Variants in TRPM2 observed in about 807,000 individuals in gnomAD.
TRPM2 encodes estrogen-responsive element-associated gene 1 protein.
A neutral mutation model predicts 174.0 loss-of-function variants in TRPM2; 161 were observed. The observed-to-expected ratio is 0.93, with a 90% CI of 0.81 to 1.05. The LOEUF (loss-of-function observed/expected upper bound fraction) is 1.05, where lower values mean the gene tolerates loss of function less well. Among genes scored for constraint, TRPM2 ranks in the 50% least tolerant of loss-of-function variants. TRPM2 has a pLI of 0.00. For synonymous variants in TRPM2, 954 were observed against 861.3 expected, an observed-to-expected ratio of 1.11 and a Z score of -1.88; for missense variants, 2,057 against 2,038.0, an observed-to-expected ratio of 1.01 and a Z score of -0.18.
At chr21:44,413,049 A>G (rs1601193267) in intron 19 of TRPM2, among the ~76,000 whole-genome samples, 1 of 152,176 alleles carries the variant, frequency 6.6e-6, no homozygotes, top group South Asian at 2.1e-4. Context: ...AGATTTGTTT[A>G]AGGTAGAAGC....
Position 44,413,920 on chromosome 21 carries a change from C to T in TRPM2, c.2992C>T (p.Pro998Ser), listed in dbSNP as rs745481593. 2 of 1,613,850 alleles carry T rather than the reference C, an allele frequency of 1.2e-6. No individual in the cohort carries two copies. The highest frequency in any genetic ancestry group is 8.5e-7 in the Non-Finnish European group (1 of 1,179,890). The change falls in exon 20 of 32, where the codon CCC becomes TCC. Residue 998 changes from proline to serine, a missense_variant. By Grantham distance (74) the Pro-to-Ser change is moderately conservative. Coordinates refer to ENST00000397928, the MANE Select transcript of TRPM2 (RefSeq NM_003307.4). ...GAACTTCAACCCGGAGCACTGCAGC[C>T]CCAATGGCACCGACCCCTACAAGCC... ...GVNFNPEHCS[P>S]NGTDPYKPKC...
chr21:44,375,716 C>T lies in TRPM2; in HGVS notation c.772-117C>T, dbSNP rs9984953. The T allele has an allele frequency of 8.5e-3, 10,291 of 1,213,928 alleles. 449 individuals carry two copies. The African/African-American group carries it at 0.11, about 12-fold the overall frequency. 75.2% of individuals were successfully genotyped at this position (1,213,928 alleles called of 1,614,324 possible). A position where few individuals can be genotyped will look rare whatever the true frequency, so the allele number is the denominator to read the frequency against. The stretch of plus-strand genomic sequence containing the variant: ...AAAGTCGCTTTCTCCAATAAGGCCA[C>T]GTCCACAGATTCCAGGGACTGGGAC... On this transcript the variant is annotated intron_variant, in intron 5 of 31. Transcript: ENST00000397928.
chr21:44,356,859 C>T (rs933225625), intron 2 of TRPM2, among the ~76,000 whole-genome samples: 1 of 152,138 alleles, frequency 6.6e-6, no homozygotes, highest in Admixed American at 6.5e-5. Context: ...TCTTTCAGAC[C>T]ATACAGGGTA....
chr21:44,400,127 C>T, intron 14 of TRPM2, 132 bp from the exon 15 acceptor site: 1 of 703,764 alleles, frequency 1.4e-6, no homozygotes, highest in African/African-American at 1.8e-5. Flanking sequence ...TCTGTGTCTT[C>T]ACCACTTTCT....
At position 44,375,974 on chromosome 21, in the gene TRPM2, C is replaced by T; in HGVS notation, c.913C>T (p.Leu305=). The change falls in exon 6 of 32, where the codon CTG becomes TTG. Residue 305 remains leucine, a synonymous_variant. Coordinates refer to ENST00000397928, the MANE Select transcript of TRPM2 (RefSeq NM_003307.4). Reference sequence around the variant, plus strand: ...GGTGGAGATTCCTCTGAGGACCAGGCTGGAGAAGTTCATATCGGAGCAGAC... The same window carrying T: ...GGTGGAGATTCCTCTGAGGACCAGGTTGGAGAAGTTCATATCGGAGCAGAC... ...YGVEIPLRTR[L]EKFISEQTKE... The T allele has an allele frequency of 6.2e-7, 1 of 1,614,054 alleles. No individual in the cohort carries two copies. The highest frequency in any genetic ancestry group is 8.5e-7 in the Non-Finnish European group (1 of 1,179,980).
Position 44,367,000 on chromosome 21 carries a change from G to C in TRPM2, c.604+66G>C. The C allele has an allele frequency of 6.7e-7, 1 of 1,492,800 alleles. No individual in the cohort carries two copies. The highest frequency in any genetic ancestry group is 8.9e-7 in the Non-Finnish European group (1 of 1,120,386). The allele number at this position is 1,492,800 out of a possible 1,614,324, so 92.5% of individuals were successfully genotyped here. A position where few individuals can be genotyped will look rare whatever the true frequency, so the allele number is the denominator to read the frequency against. ...GGGTGGGCTGTGGAGGCAGTGCTGG[G>C]GCAATCAGGGCCATCAGGACCCAAA... On this transcript the variant is annotated intron_variant, in intron 4 of 31. Transcript: ENST00000397928. This position sits in a 1 kb window ranked among gnomAD's most constrained non-coding sequence, Gnocchi z 6.0.
intron 19 of TRPM2, among the ~76,000 whole-genome samples, chr21:44,408,365 A>G (rs1465319834): frequency 1.3e-5 from 2 of 151,488 alleles, no homozygotes; most frequent in Non-Finnish European, 2.9e-5. Context: ...TCATATGGGA[A>G]CTCCATGTTT....
At chr21:44,418,694 C>A in intron 22 of TRPM2, 139 bp downstream of exon 22, 1 of 1,128,296 alleles carries the variant, frequency 8.9e-7, no homozygotes, top group South Asian at 1.4e-5. Flanking sequence ...TCCCGTGGCC[C>A]CTGCAATGCT....
In TRPM2 at chr21:44,369,325, G is replaced by A. The variant is rs755516061; in HGVS notation, c.753G>A (p.Glu251=). The A allele has an allele frequency of 6.2e-6, 10 of 1,612,560 alleles. No individual in the cohort carries two copies. The South Asian group carries it at 8.8e-5, about 14-fold the overall frequency. The change falls in exon 5 of 32, where the codon GAG becomes GAA. Residue 251 remains glutamate (E), a synonymous_variant. Coordinates refer to ENST00000397928, the MANE Select transcript of TRPM2 (RefSeq NM_003307.4). ...CCTGGGGCACTGTCCACCGCCGCGA[G>A]GGCCTGATCCATCCCACGGTGAGTG... is the stretch of plus-strand genomic sequence containing the variant. ...VATWGTVHRR[E]GLIHPTGSFP... is the part of the protein sequence containing the mutation.
At position 44,358,742 on chromosome 21, in the gene TRPM2, G is replaced by C. The variant is rs564219271; in HGVS notation, c.254+4006G>C. Among the ~76,000 whole-genome samples the C allele has an allele frequency of 3.3e-5, 5 of 152,196 alleles. No homozygotes were observed. In the East Asian group the frequency reaches 9.7e-4, roughly 29 times the overall value. ...CTAGGGAACTCCTTTCCCCACCTCCGACCCAGGTCTCTCATCCATAAACAG... is the reference window on the plus strand; with the variant it reads ...CTAGGGAACTCCTTTCCCCACCTCCCACCCAGGTCTCTCATCCATAAACAG... On this transcript the variant is annotated intron_variant, in intron 2 of 31. Coordinates refer to ENST00000397928, the MANE Select transcript of TRPM2 (RefSeq NM_003307.4).
In TRPM2 at chr21:44,440,931, G is replaced by A. The variant is rs192876338; in HGVS notation, c.4386+26G>A. The A allele has an allele frequency of 2.0e-4, 320 of 1,597,664 alleles. 3 individuals carry two copies. Among genetic ancestry groups the A allele is most frequent in the Non-Finnish European group, 9.4e-5 (110 of 1,165,876 alleles). On this transcript the variant is annotated intron_variant, in intron 31 of 31. Transcript: ENST00000397928. ...GTATGTGCCTGGCCTCCCTGGAGGC[G>A]GGAGTGGGGAGGCAGGGACGGGTAT...
intron 19 of TRPM2, among the ~76,000 whole-genome samples, chr21:44,409,258 C>G (rs2050008840): frequency 6.6e-6 from 1 of 152,140 alleles, no homozygotes; most frequent in Admixed American, 6.6e-5. Flanking sequence ...ATAGCTTTCG[C>G]TTTTTGTTTG....
At position 44,406,779 on chromosome 21, in the gene TRPM2, G is replaced by A. The variant is rs374220328; in HGVS notation, c.2962+14G>A. The A allele has an allele frequency of 7.7e-5, 122 of 1,590,424 alleles. 1 individual carries two copies. The highest frequency in any genetic ancestry group is 5.5e-4 in the South Asian group (49 of 88,574). ...GCTACATCGACGGTAGGAGCCGGGC[G>A]CCATGGGAGCTCGGGTGGTGCTGCC... On this transcript the variant is annotated intron_variant, in intron 19 of 31. Coordinates refer to ENST00000397928, the MANE Select transcript of TRPM2 (RefSeq NM_003307.4).
At chr21:44,416,142 A>C (rs1413505670) in intron 20 of TRPM2, 2 of 152,270 alleles carry the variant, frequency 1.3e-5, no homozygotes, top group African/African-American at 4.8e-5. Flanking sequence ...ATAATTCAGA[A>C]AGCCTCCCAG....
At chr21:44,370,752 C>G (rs1332113324) in intron 5 of TRPM2, among the ~76,000 whole-genome samples, 1 of 152,194 alleles carries the variant, frequency 6.6e-6, no homozygotes, top group African/African-American at 2.4e-5. Flanking sequence ...CGGGGTCGGA[C>G]TGGACCAGCT....
intron 6 of TRPM2, among the ~76,000 whole-genome samples, chr21:44,377,504 T>G (rs1010995973): frequency 2.6e-5 from 4 of 152,218 alleles, no homozygotes; most frequent in Non-Finnish European, 4.4e-5. Context: ...AAACGGCGAC[T>G]CAGCACTGGC....
In TRPM2 at chr21:44,399,405, C is replaced by A; in HGVS notation, c.2172C>A (p.Ala724=). The change falls in exon 14 of 32, where the codon GCC becomes GCA. Residue 724 remains alanine, a synonymous_variant. Transcript: ENST00000397928. The surrounding 1 kb of genome is among the most constrained non-coding windows in gnomAD (Gnocchi z 4.6). ...CCTGCCTGCAGCTCGCCCTGGAGGC[C>A]AAGGACATGAAGTTTGTGTCTCACG... is the stretch of plus-strand genomic sequence containing the variant. ...KTTCLQLALE[A]KDMKFVSHGG... 6.2e-7 allele frequency: 1 copy of A among 1,612,650 alleles called. No homozygotes were observed. Among genetic ancestry groups the A allele is most frequent in the Non-Finnish European group, 8.5e-7 (1 of 1,179,830 alleles).
intron 26 of TRPM2, 129 bp downstream of exon 26, chr21:44,426,865 C>T (rs2050806136): frequency 2.2e-6 from 3 of 1,360,250 alleles, no homozygotes; most frequent in Admixed American, 4.0e-5. Context: ...CCGTGGGGGC[C>T]TGAAGGGGCC....
rs1430944945 is a variant in TRPM2, at chr21:44,406,446, C to T, written c.2791-148C>T. The T allele has an allele frequency of 1.5e-5, 14 of 958,330 alleles. No individual in the cohort carries two copies. The South Asian group carries it at 1.9e-4, about 13-fold the overall frequency. The allele number at this position is 958,330 out of a possible 1,614,324, so 59.4% of individuals were successfully genotyped here. A position where few individuals can be genotyped will look rare whatever the true frequency, so the allele number is the denominator to read the frequency against. On this transcript the variant is annotated intron_variant, in intron 18 of 31. Transcript: ENST00000397928. ...TCGGCAGTCCACGAGGGTGTGGGGGCAGCCCCAGGACTGCTCCTGGGAGCC... is the reference window on the plus strand; with the variant it reads ...TCGGCAGTCCACGAGGGTGTGGGGGTAGCCCCAGGACTGCTCCTGGGAGCC...
Sources: allele counts gnomAD v4.1 joint callset (sites outside exome capture counted in the v4.1 genomes callset), GRCh38; gene constraint gnomAD v4.1.1; non-coding constraint Gnocchi (gnomAD v3.1); transcripts MANE v1.5; gene names NCBI Gene and HGNC (gene_info 2026-07-23, HGNC 2026-07-21).